The following TENM3 variants were observed in gnomAD, a reference collection of about 807,000 sequenced individuals.
The protein encoded by TENM3 is teneurin transmembrane protein 3, also known as teneurin-3.
A neutral mutation model predicts 255.1 loss-of-function variants in TENM3; 63 were observed. The ratio of observed to expected loss-of-function variants is 0.25; its 90% CI spans 0.20 to 0.30. TENM3 has a LOEUF of 0.30. Ranked by LOEUF, TENM3 falls within the 10% of genes least tolerant of loss-of-function variation. The pLI, the probability that TENM3 is intolerant of heterozygous loss-of-function variation, is 1.00. For missense variants in TENM3, 2,929 were observed against 3,461.1 expected, an observed-to-expected ratio of 0.85 and a Z score of 3.86; for synonymous variants, 1,306 against 1,322.3, an observed-to-expected ratio of 0.99 and a Z score of 0.27.
intron 2 of TENM3, among the ~76,000 whole-genome samples, chr4:182,328,332 C>T (rs1763540031): frequency 6.6e-6 from 1 of 152,080 alleles, no homozygotes; most frequent in Non-Finnish European, 1.5e-5. Context: ...TTTCCTGCCT[C>T]AGCTTCCCGA....
chr4:182,439,811 A>AC (rs1056257680), intron 3 of TENM3, among the ~76,000 whole-genome samples: 2 of 152,152 alleles, frequency 1.3e-5, no homozygotes, highest in African/African-American at 4.8e-5. Context: ...ACCATCACCC[A>AC]CACCATTCCC....
chr4:182,319,147 G>T (rs2150470627), intron 1 of TENM3, among the ~76,000 whole-genome samples: 1 of 152,156 alleles, frequency 6.6e-6, no homozygotes, highest in South Asian at 2.1e-4. Context: ...TTTTTCAAAG[G>T]CTTTGCCCAC....
At chr4:182,285,649 C>T (rs1760685576) in intron 1 of TENM3, among the ~76,000 whole-genome samples, 1 of 152,156 alleles carries the variant, frequency 6.6e-6, no homozygotes. Context: ...AAGCATGTAG[C>T]AACAGAGCTG....
At chr4:182,100,626 C>CATATATAT in the TENM3 span, among the ~76,000 whole-genome samples, 16,390 of 48,886 alleles carry the variant, frequency 0.34, 5,332 homozygotes, top group Middle Eastern at 0.44. Flanking sequence ...TATATACACA[C>CATATATAT]ACATATATAC....
chr4:181,533,385 C>T, the TENM3 span, among the ~76,000 whole-genome samples: 2 of 152,160 alleles, frequency 1.3e-5, no homozygotes, highest in Admixed American at 6.5e-5. Flanking sequence ...CTCCTGGGTG[C>T]AGTGGATGAT....
the TENM3 span, among the ~76,000 whole-genome samples, chr4:181,874,143 T>C: frequency 1.3e-5 from 2 of 152,098 alleles, no homozygotes; most frequent in Non-Finnish European, 2.9e-5. Flanking sequence ...GGTCTCAAAC[T>C]CCTGACCTCA....
At chr4:182,753,015 C>T (rs1466669680) in intron 20 of TENM3, among the ~76,000 whole-genome samples, 6 of 143,682 alleles carry the variant, frequency 4.2e-5, no homozygotes, top group Admixed American at 1.5e-4. Context: ...GGTGCGATCT[C>T]GGCTCACTGC....
intron 1 of TENM3, among the ~76,000 whole-genome samples, chr4:182,310,729 CAG>C (rs1342203799): frequency 1.3e-5 from 2 of 150,578 alleles, no homozygotes; most frequent in African/African-American, 2.5e-5. Flanking sequence ...GTTTTTGAGA[CAG>C]AGTCTCACTC....
At chr4:181,714,884 G>A in the TENM3 span, among the ~76,000 whole-genome samples, 10 of 152,178 alleles carry the variant, frequency 6.6e-5, no homozygotes, top group East Asian at 9.7e-4. Flanking sequence ...AGGAAACTTC[G>A]CAAAGTTTTA....
At chr4:182,784,039 G>A (rs1019895818) in intron 24 of TENM3, among the ~76,000 whole-genome samples, 2 of 152,136 alleles carry the variant, frequency 1.3e-5, no homozygotes, top group Admixed American at 6.5e-5. Context: ...ATCGTCTGAC[G>A]CCTTCTACTC....
chr4:182,068,391 C>A, the TENM3 span, among the ~76,000 whole-genome samples: 56,664 of 111,070 alleles, frequency 0.51, 12,378 homozygotes, highest in East Asian at 0.69. Context: ...GTTAAAAAAA[C>A]AAATGCTACC....
At chr4:181,819,588 G>A in the TENM3 span, among the ~76,000 whole-genome samples, 1 of 152,124 alleles carries the variant, frequency 6.6e-6, no homozygotes, top group East Asian at 1.9e-4. Flanking sequence ...TGGTTTCATG[G>A]AAGACAATTT....
the TENM3 span, among the ~76,000 whole-genome samples, chr4:181,913,358 C>T: frequency 6.6e-6 from 1 of 152,150 alleles, no homozygotes; most frequent in African/African-American, 2.4e-5. Context: ...AAATAGCACT[C>T]AGGCAAAAAT....
chr4:182,225,507 C>T (rs1756093004), intron 1 of TENM3, among the ~76,000 whole-genome samples: 1 of 152,094 alleles, frequency 6.6e-6, no homozygotes, highest in African/African-American at 2.4e-5. Flanking sequence ...TTCTGTGGTA[C>T]ATAGGAAACT....
the TENM3 span, among the ~76,000 whole-genome samples, chr4:182,083,823 T>C: frequency 6.6e-6 from 1 of 152,096 alleles, no homozygotes; most frequent in Non-Finnish European, 1.5e-5. Flanking sequence ...TTGAGAAGAG[T>C]TGGTCTCCAT....
At chr4:182,780,361 G>C (rs1334381276) in intron 24 of TENM3, among the ~76,000 whole-genome samples, 2 of 122,778 alleles carry the variant, frequency 1.6e-5, no homozygotes, top group Non-Finnish European at 3.3e-5. Context: ...AGATCAGATA[G>C]TTGTAGATAT....
chr4:181,849,164 T>G, the TENM3 span, among the ~76,000 whole-genome samples: 1 of 152,196 alleles, frequency 6.6e-6, no homozygotes, highest in Non-Finnish European at 1.5e-5. Context: ...GTGCTTAATA[T>G]TCCTGTCTAC....
the TENM3 span, among the ~76,000 whole-genome samples, chr4:181,487,017 A>G: frequency 6.6e-6 from 1 of 152,246 alleles, no homozygotes; most frequent in Non-Finnish European, 1.5e-5. Flanking sequence ...AATAAGATTC[A>G]TAATTGTTTA....
chr4:181,673,743 C>A, the TENM3 span, among the ~76,000 whole-genome samples: 2 of 151,916 alleles, frequency 1.3e-5, no homozygotes, highest in African/African-American at 2.4e-5. Context: ...GGGTAGTTAT[C>A]GTAACTTCAT....
Sources: gnomAD v4.1 joint callset for allele counts (sites outside exome capture counted in the v4.1 genomes callset) on GRCh38, gnomAD v4.1.1 for gene constraint, MANE v1.5 for transcripts, NCBI Gene and HGNC (gene_info 2026-07-23, HGNC 2026-07-21) for gene names.